NEK4: variants seen among roughly 807,000 people sequenced by gnomAD.
The protein encoded by NEK4 is serine/threonine-protein kinase Nek4.
Under a neutral mutation model 98.4 loss-of-function variants are expected in NEK4, and 86 were observed. The observed-to-expected ratio is 0.87, with a 90% CI of 0.73 to 1.05. The LOEUF (loss-of-function observed/expected upper bound fraction) is 1.05, where lower values mean the gene tolerates loss of function less well. Among genes scored for constraint, NEK4 ranks in the 50% least tolerant of loss-of-function variants. The probability of loss-of-function intolerance (pLI) is 0.00; values close to 1 mark genes in which losing one functional copy is unlikely to be tolerated. For missense variants in NEK4, 898 were observed against 950.3 expected, an observed-to-expected ratio of 0.94 and a Z score of 0.72; for synonymous variants, 328 against 342.2, an observed-to-expected ratio of 0.96 and a Z score of 0.46.
At chr3:52,752,413 G>A (rs888912626) in intron 6 of NEK4, 77 bp from the exon 7 acceptor site, 2 of 1,400,756 alleles carry the variant, frequency 1.4e-6, no homozygotes, top group Middle Eastern at 1.8e-4. Flanking sequence ...TGCAACAAGA[G>A]GTTCCTCAAA....
chr3:52,766,385 G>C lies in NEK4; in HGVS notation c.361-10C>G. The C allele has an allele frequency of 6.3e-7, 1 of 1,592,930 alleles. No homozygotes were observed. Among genetic ancestry groups the C allele is most frequent in the Non-Finnish European group, 8.6e-7 (1 of 1,161,126 alleles). ...GTTTTTCATGTAAATACTGAGGAAAGAAACAAGATTTTATTACATATAAAT... is the reference window on the plus strand; with the variant it reads ...GTTTTTCATGTAAATACTGAGGAAACAAACAAGATTTTATTACATATAAAT... On this transcript the variant is annotated splice_polypyrimidine_tract_variant and intron_variant, in intron 2 of 15. Transcript: ENST00000233027.
intron 2 of NEK4, among the ~76,000 whole-genome samples, chr3:52,767,259 C>G (rs930168477): frequency 6.6e-6 from 1 of 151,606 alleles, no homozygotes; most frequent in East Asian, 1.9e-4. Flanking sequence ...GCACTCGAAT[C>G]TGGGCGACAG....
rs371897299 is a variant in NEK4 at position 52,757,228 on chromosome 3, C to G, written c.963+3567G>C. 3.0e-4 allele frequency among the ~76,000 whole-genome samples: 45 copies of G among 152,292 alleles called. 5 individuals carry two copies. The highest frequency in any genetic ancestry group is 2.1e-3 in the Admixed American group (32 of 15,288). ...AAAGTTAGAATTACCATGTAGTCAG[C>G]AGTTCCACTTCTGGTTATATACCCA... On this transcript the variant is annotated intron_variant, in intron 6 of 15. Transcript: ENST00000233027.
chr3:52,758,048 G>A (rs1461118976), intron 6 of NEK4, among the ~76,000 whole-genome samples: 1 of 151,976 alleles, frequency 6.6e-6, no homozygotes, highest in Non-Finnish European at 1.5e-5. Context: ...ATGTTGTGGC[G>A]TGTACCTGTA....
intron 15 of NEK4, among the ~76,000 whole-genome samples, chr3:52,731,383 T>C (rs553295578): frequency 8.4e-4 from 128 of 152,278 alleles, no homozygotes; most frequent in African/African-American, 2.0e-3. Context: ...GAAAGAATAA[T>C]AGTGGAGGAC....
In NEK4 at chr3:52,709,837, C is replaced by G. The variant is rs956176522; in HGVS notation, c.*1940G>C. 6 of 151,758 alleles carry G rather than the reference C, an allele frequency of 4.0e-5. No individual in the cohort carries two copies. Among genetic ancestry groups the G allele is most frequent in the African/African-American group, 1.5e-4 (6 of 41,264 alleles). 9.4% of individuals were successfully genotyped at this position (151,758 alleles called of 1,614,324 possible). A position where few individuals can be genotyped will look rare whatever the true frequency, so the allele number is the denominator to read the frequency against. ...ACGATGTGGATTTCCAAAACATGCA[C>G]GGAAAGGTGAATAGCTCAAGGATAC... is the stretch of plus-strand genomic sequence containing the variant. On this transcript the variant is annotated 3_prime_UTR_variant, in exon 16 of 16. Transcript: ENST00000233027.
intron 15 of NEK4, among the ~76,000 whole-genome samples, chr3:52,736,377 G>C (rs1364372897): frequency 3.3e-5 from 5 of 152,136 alleles, no homozygotes; most frequent in Non-Finnish European, 5.9e-5. Flanking sequence ...ATGAGGTCAG[G>C]AGATCGAGAC....
chr3:52,712,510 G>C (rs1156366894), intron 15 of NEK4, among the ~76,000 whole-genome samples: 1 of 152,212 alleles, frequency 6.6e-6, no homozygotes, highest in Non-Finnish European at 1.5e-5. Flanking sequence ...AGCTCAATTA[G>C]ACCCTTGCCC....
chr3:52,721,880 A>G (rs968117087), intron 15 of NEK4, among the ~76,000 whole-genome samples: 1 of 152,290 alleles, frequency 6.6e-6, no homozygotes, highest in South Asian at 2.1e-4. Context: ...TAGTGACAGG[A>G]GGTGGCCAAA....
intron 15 of NEK4, among the ~76,000 whole-genome samples, chr3:52,730,771 C>A (rs73078847): frequency 0.05 from 7,673 of 152,204 alleles, 243 homozygotes; most frequent in Non-Finnish European, 0.075. Context: ...GAGCATGGAG[C>A]TTTCTTTGTG....
rs761274201 is a variant in NEK4 at position 52,752,066 on chromosome 3, G to C, written c.1234C>G (p.Gln412Glu). The C allele has an allele frequency of 1.2e-6, 2 of 1,614,206 alleles. No homozygotes were observed. The highest frequency in any genetic ancestry group is 1.7e-6 in the Non-Finnish European group (2 of 1,180,036). ...SISQVEEEML[Q>E]DNTKSSAQPE... ...TGGGCACTGGATTTAGTGTTGTCCT[G>C]CAGCATCTCCTCTTCCACTTGAGAA... Residue 412 changes from glutamine to glutamate, a missense_variant, in exon 7 of 16, where the codon CAG (glutamine) becomes GAG (glutamate). Transcript: ENST00000233027.
intron 6 of NEK4, among the ~76,000 whole-genome samples, chr3:52,756,986 G>C (rs2097416190): frequency 6.6e-6 from 1 of 152,012 alleles, no homozygotes; most frequent in African/African-American, 2.4e-5. Context: ...CGGCCAATAA[G>C]CACACAAAAA....
At chr3:52,747,285 G>T (rs551728646) in intron 8 of NEK4, 1 of 181,002 alleles carries the variant, frequency 5.5e-6, no homozygotes, top group Non-Finnish European at 1.2e-5. Flanking sequence ...TGAAACCCCC[G>T]TCTCTACAAA....
intron 2 of NEK4, among the ~76,000 whole-genome samples, 158 bp from the exon 3 acceptor site, chr3:52,766,533 A>T (rs1293468319): frequency 6.6e-6 from 1 of 152,210 alleles, no homozygotes; most frequent in African/African-American, 2.4e-5. Context: ...AATACCTACC[A>T]AACATTATTG....
In NEK4 at chr3:52,768,353, G is replaced by A. The variant is rs1023108797; in HGVS notation, c.345C>T (p.Ile115=). 5.6e-6 allele frequency: 9 copies of A among 1,613,998 alleles called. No homozygotes were observed. The highest frequency in any genetic ancestry group is 4.0e-5 in the African/African-American group (3 of 74,922). ...TACACAGTACCTGCAAAGCCATGGCGATCTGTACAAACCACTCTACCACCT... is the reference window on the plus strand; with the variant it reads ...TACACAGTACCTGCAAAGCCATGGCAATCTGTACAAACCACTCTACCACCT... ...ENQVVEWFVQ[I]AMALQYLHEK... is the part of the protein sequence containing the mutation. The change falls in exon 2 of 16, where the codon ATC becomes ATT. Residue 115 remains isoleucine (I), a synonymous_variant. Transcript: ENST00000233027.
chr3:52,728,143 C>T (rs1407984850), intron 15 of NEK4, among the ~76,000 whole-genome samples: 1 of 152,194 alleles, frequency 6.6e-6, no homozygotes, highest in East Asian at 1.9e-4. Flanking sequence ...GAGGCTTACA[C>T]AGGCGGATCA....
intron 15 of NEK4, among the ~76,000 whole-genome samples, chr3:52,724,922 T>C (rs1354516482): frequency 6.6e-6 from 1 of 152,232 alleles, no homozygotes; most frequent in Non-Finnish European, 1.5e-5. Context: ...CATTGTACTC[T>C]ATAAATATGT....
At chr3:52,745,958 A>G in intron 10 of NEK4, 103 bp downstream of exon 10, 1 of 1,046,348 alleles carries the variant, frequency 9.6e-7, no homozygotes. Flanking sequence ...CTTGGACTCA[A>G]TTGATCCTCT....
chr3:52,725,888 T>G (rs1430421540), intron 15 of NEK4, among the ~76,000 whole-genome samples: 1 of 152,060 alleles, frequency 6.6e-6, no homozygotes, highest in Non-Finnish European at 1.5e-5. Flanking sequence ...TTACTTTAAA[T>G]GTAAATGGAT....
Sources: allele counts gnomAD v4.1 joint callset (sites outside exome capture counted in the v4.1 genomes callset), GRCh38; gene constraint gnomAD v4.1.1; transcripts MANE v1.5; gene names NCBI Gene and HGNC (gene_info 2026-07-23, HGNC 2026-07-21).